Variants in TMEM178B observed in about 807,000 individuals in gnomAD.
TMEM178B encodes the protein transmembrane protein 178B.
TMEM178B carries 5 observed loss-of-function variants against 31.0 expected under a neutral mutation model. The observed-to-expected ratio is 0.16, with a 90% CI of 0.08 to 0.34. TMEM178B has a LOEUF of 0.34. TMEM178B is among the 10% of genes least tolerant of loss of function. TMEM178B has a pLI of 1.00. For missense variants in TMEM178B, 275 were observed against 400.3 expected, an observed-to-expected ratio of 0.69 and a Z score of 2.67; for synonymous variants, 164 against 164.0, an observed-to-expected ratio of 1.00 and a Z score of 0.00.
chr7:141,381,159 T>C (rs184409874), intron 2 of TMEM178B, among the ~76,000 whole-genome samples: 20 of 152,346 alleles, frequency 1.3e-4, no homozygotes, highest in Admixed American at 1.1e-3. Context: ...TCGATGTGAC[T>C]GTAATCTTTA....
At chr7:141,323,093 C>T (rs1034883560) in intron 2 of TMEM178B, among the ~76,000 whole-genome samples, 12 of 152,136 alleles carry the variant, frequency 7.9e-5, no homozygotes, top group Non-Finnish European at 2.9e-5. Context: ...GGTTTGAATG[C>T]TGCTTTTCAC....
In TMEM178B at chr7:141,159,867, A is replaced by T. The variant is rs1005446149; in HGVS notation, c.383-52724A>T. 3.9e-5 allele frequency among the ~76,000 whole-genome samples: 6 copies of T among 152,088 alleles called. No individual in the cohort carries two copies. In the East Asian group the frequency reaches 1.2e-3, roughly 29 times the overall value. ...TGTGAAATTTCAGTTTGCATAATGAAAATAATCCTGGAGTTTGGCTGTGCA... is the reference window on the plus strand; with the variant it reads ...TGTGAAATTTCAGTTTGCATAATGATAATAATCCTGGAGTTTGGCTGTGCA... On this transcript the variant is annotated intron_variant, in intron 1 of 3. Transcript: ENST00000565468.
intron 1 of TMEM178B, among the ~76,000 whole-genome samples, chr7:141,185,105 A>G (rs559065108): frequency 2.2e-4 from 34 of 152,234 alleles, no homozygotes; most frequent in Non-Finnish European, 3.8e-4. Flanking sequence ...GAGCATACAG[A>G]TAGGCAGGCT....
chr7:141,228,068 A>G (rs1797375382), intron 2 of TMEM178B, among the ~76,000 whole-genome samples: 1 of 152,190 alleles, frequency 6.6e-6, no homozygotes, highest in Non-Finnish European at 1.5e-5. Flanking sequence ...ATGCACACAC[A>G]TATCACATTC....
chr7:141,139,035 A>T (rs551394075), intron 1 of TMEM178B, among the ~76,000 whole-genome samples: 19 of 152,048 alleles, frequency 1.2e-4, no homozygotes, highest in Non-Finnish European at 1.9e-4. Context: ...TATTCCTAAA[A>T]TCATGTACAA....
At chr7:141,282,222 A>G (rs1798377073) in intron 2 of TMEM178B, among the ~76,000 whole-genome samples, 1 of 152,222 alleles carries the variant, frequency 6.6e-6, no homozygotes, top group African/African-American at 2.4e-5. Flanking sequence ...GAGAAAATGC[A>G]AAGAAGGAAA....
chr7:141,239,550 G>C (rs1198716208), intron 2 of TMEM178B, among the ~76,000 whole-genome samples: 3 of 152,276 alleles, frequency 2.0e-5, no homozygotes, highest in South Asian at 4.2e-4. Context: ...TTGATTCCCC[G>C]GGTGGAACTC....
At chr7:141,501,389 T>G in the TMEM178B span, among the ~76,000 whole-genome samples, 1 of 151,984 alleles carries the variant, frequency 6.6e-6, no homozygotes, top group Non-Finnish European at 1.5e-5. Flanking sequence ...AGAATCCACA[T>G]TCTCTCCACA....
intron 2 of TMEM178B, among the ~76,000 whole-genome samples, chr7:141,424,876 T>C (rs1801284465): frequency 6.6e-6 from 1 of 152,184 alleles, no homozygotes; most frequent in South Asian, 2.1e-4. Flanking sequence ...TAATATTCCA[T>C]TACATTTGAT....
chr7:141,352,927 A>G, intron 2 of TMEM178B, among the ~76,000 whole-genome samples: 1 of 152,252 alleles, frequency 6.6e-6, no homozygotes, highest in East Asian at 1.9e-4. Flanking sequence ...CAGTAAGAAA[A>G]AAGAGAACCA....
intron 2 of TMEM178B, among the ~76,000 whole-genome samples, chr7:141,329,048 C>A (rs1451307702): frequency 6.6e-6 from 1 of 152,008 alleles, no homozygotes; most frequent in African/African-American, 2.4e-5. Context: ...AGATCAATTG[C>A]CCTTAGGTGT....
chr7:141,394,416 GT>G (rs2116609417), intron 2 of TMEM178B, among the ~76,000 whole-genome samples: 1 of 152,344 alleles, frequency 6.6e-6, no homozygotes, highest in Admixed American at 6.5e-5. Flanking sequence ...TGGAATCTGG[GT>G]TTGAAGCCCA....
downstream of TMEM178B, chr7:141,480,394 T>C (rs1024154116): frequency 2.6e-5 from 4 of 152,270 alleles, no homozygotes; most frequent in Non-Finnish European, 4.4e-5. Flanking sequence ...TTGTGTCTGC[T>C]TAGGGGTAGG....
intron 2 of TMEM178B, among the ~76,000 whole-genome samples, chr7:141,223,479 C>CTTTTT (rs10680431): frequency 9.9e-5 from 13 of 131,146 alleles, no homozygotes; most frequent in African/African-American, 3.3e-4. Flanking sequence ...TGTTTTCACT[C>CTTTTT]TTTTTTTTTT....
intron 1 of TMEM178B, among the ~76,000 whole-genome samples, chr7:141,180,375 G>A (rs1448539157): frequency 2.0e-5 from 3 of 148,632 alleles, no homozygotes; most frequent in East Asian, 2.0e-4. Flanking sequence ...CAGGAGAATC[G>A]CTTGAACCCA....
chr7:141,451,739 A>G (rs964998637), intron 3 of TMEM178B, among the ~76,000 whole-genome samples: 9 of 152,218 alleles, frequency 5.9e-5, no homozygotes, highest in East Asian at 1.9e-4. Flanking sequence ...AGCTGGATAT[A>G]TGAACATTTT....
At chr7:141,139,596 C>T (rs906175151) in intron 1 of TMEM178B, among the ~76,000 whole-genome samples, 6 of 151,942 alleles carry the variant, frequency 3.9e-5, no homozygotes, top group African/African-American at 1.5e-4. Context: ...TCTGCCTTGG[C>T]CTCCCAAAGT....
At chr7:141,194,268 C>T (rs1796744096) in intron 1 of TMEM178B, among the ~76,000 whole-genome samples, 1 of 152,158 alleles carries the variant, frequency 6.6e-6, no homozygotes, top group African/African-American at 2.4e-5. Flanking sequence ...AGCCCAAAGT[C>T]TCATCTGAGA....
chr7:141,103,736 GT>G (rs1467286983), intron 1 of TMEM178B, among the ~76,000 whole-genome samples: 1 of 152,152 alleles, frequency 6.6e-6, no homozygotes, highest in Non-Finnish European at 1.5e-5. Context: ...ATGAGATGTG[GT>G]TTTTGAATTT....
Sources: gnomAD v4.1 joint callset for allele counts (sites outside exome capture counted in the v4.1 genomes callset) on GRCh38, gnomAD v4.1.1 for gene constraint, MANE v1.5 for transcripts, NCBI Gene and HGNC (gene_info 2026-07-23, HGNC 2026-07-21) for gene names.